LAMA2: variants seen among roughly 807,000 people sequenced by gnomAD.
LAMA2 encodes the protein laminin subunit alpha 2, also known as laminin subunit alpha-2.
A neutral mutation model predicts 364.8 loss-of-function variants in LAMA2; 269 were observed. That is an observed-to-expected ratio of 0.74 (90% CI 0.67 to 0.82). The LOEUF (loss-of-function observed/expected upper bound fraction) is 0.82, where lower values mean the gene tolerates loss of function less well. Ranked by LOEUF, LAMA2 falls within the 40% of genes least tolerant of loss-of-function variation. The pLI is 0.00. For missense variants in LAMA2, 3,807 were observed against 3,873.2 expected, an observed-to-expected ratio of 0.98 and a Z score of 0.45; for synonymous variants, 1,379 against 1,370.6, an observed-to-expected ratio of 1.01 and a Z score of -0.14.
At chr6:128,978,004 A>T (rs575048029) in intron 1 of LAMA2, among the ~76,000 whole-genome samples, 30 of 152,318 alleles carry the variant, frequency 2.0e-4, no homozygotes, top group African/African-American at 7.0e-4. Flanking sequence ...AAATTTTTTT[A>T]AAATGATATC....
intron 16 of LAMA2, among the ~76,000 whole-genome samples, chr6:129,269,203 C>A (rs1787744892): frequency 6.6e-6 from 1 of 151,958 alleles, no homozygotes. Flanking sequence ...ACTCAAAGTC[C>A]ATTTGAAGTA....
Position 129,065,266 on chromosome 6 carries a change from A to G in LAMA2, c.396+5370A>G, listed in dbSNP as rs538883434. On this transcript the variant is annotated intron_variant, in intron 3 of 64. Coordinates refer to ENST00000421865, the MANE Select transcript of LAMA2 (RefSeq NM_000426.4). ...TAGAAGGAATGTACGTCAACATAAT[A>G]AAGACTGTATATGACACATCCTCAG... is the stretch of plus-strand genomic sequence containing the variant. Among the ~76,000 whole-genome samples the G allele has an allele frequency of 7.9e-5, 12 of 152,312 alleles. No individual in the cohort carries two copies. In the South Asian group the frequency reaches 2.5e-3, roughly 32 times the overall value.
rs73773694 is a variant in LAMA2 at position 129,185,034 on chromosome 6, G to C, written c.1468-5171G>C. On this transcript the variant is annotated intron_variant, in intron 10 of 64. Transcript: ENST00000421865. ...TAATACTAGGATGCATTAGTCTAAA[G>C]GTCATAACAGAAGAAAACCTGTAAT... 3.2e-3 allele frequency among the ~76,000 whole-genome samples: 491 copies of C among 151,882 alleles called. 1 individual carries two copies. Among genetic ancestry groups the C allele is most frequent in the African/African-American group, 0.011 (472 of 41,472 alleles).
At chr6:129,166,747 T>A (rs938894221) in intron 9 of LAMA2, among the ~76,000 whole-genome samples, 2 of 152,180 alleles carry the variant, frequency 1.3e-5, no homozygotes, top group African/African-American at 4.8e-5. Flanking sequence ...TCAGTGGTAA[T>A]TCAGGAGAGA....
At chr6:129,350,458 G>A (rs760205548) in intron 31 of LAMA2, among the ~76,000 whole-genome samples, 6 of 152,144 alleles carry the variant, frequency 3.9e-5, no homozygotes, top group Non-Finnish European at 8.8e-5. Flanking sequence ...ATGTTTACCC[G>A]CCCTTCCTGC....
At position 129,312,917 on chromosome 6, in the gene LAMA2, C is replaced by T; in HGVS notation, c.3231C>T (p.Gly1077=). 6.2e-7 allele frequency: 1 copy of T among 1,614,146 alleles called. No individual in the cohort carries two copies. The highest frequency in any genetic ancestry group is 1.1e-5 in the South Asian group (1 of 91,078). ...SLDFQCNVNT[G]QCNCHPKFSG... is the part of the protein sequence containing the mutation. ...ATTTCCAATGCAATGTAAATACAGG[C>T]CAATGCAACTGTCATCCAAAATTCT... Residue 1077 remains glycine (G), a synonymous_variant, in exon 23 of 65, where the codon GGC becomes GGT. Transcript: ENST00000421865.
intron 12 of LAMA2, among the ~76,000 whole-genome samples, chr6:129,215,893 T>C (rs1483573311): frequency 6.6e-6 from 1 of 152,172 alleles, no homozygotes; most frequent in Non-Finnish European, 1.5e-5. Flanking sequence ...CTAGACTAAG[T>C]GAATCTGAGG....
chr6:129,064,706 C>A (rs968347695), intron 3 of LAMA2, among the ~76,000 whole-genome samples: 1 of 152,032 alleles, frequency 6.6e-6, no homozygotes, highest in Non-Finnish European at 1.5e-5. Flanking sequence ...CCTACTAACA[C>A]TGAATCATGA....
At chr6:129,242,122 G>C (rs960980267) in intron 12 of LAMA2, among the ~76,000 whole-genome samples, 6 of 152,212 alleles carry the variant, frequency 3.9e-5, no homozygotes, top group African/African-American at 1.4e-4. Flanking sequence ...TAAGCAATGA[G>C]GATTGCCTAC....
At chr6:129,447,372 T>G (rs1007319031) in intron 45 of LAMA2, among the ~76,000 whole-genome samples, 7 of 151,702 alleles carry the variant, frequency 4.6e-5, no homozygotes, top group African/African-American at 1.7e-4. Flanking sequence ...TGCTGGGGAG[T>G]TGGGGGTGGA....
At chr6:129,444,200 G>A (rs145551804) in intron 44 of LAMA2, among the ~76,000 whole-genome samples, 2 of 152,244 alleles carry the variant, frequency 1.3e-5, no homozygotes, top group African/African-American at 2.4e-5. Context: ...GGGAGAAGAG[G>A]AACTTCCAAG....
chr6:129,213,074 C>A (rs1783200765), intron 12 of LAMA2, among the ~76,000 whole-genome samples: 1 of 152,150 alleles, frequency 6.6e-6, no homozygotes, highest in Admixed American at 6.5e-5. Flanking sequence ...TTCTTCTTCG[C>A]TGTCTCCATG....
chr6:129,507,421 CTG>C, intron 61 of LAMA2, 66 bp from the exon 62 acceptor site: 2 of 1,513,238 alleles, frequency 1.3e-6, no homozygotes, highest in Non-Finnish European at 1.8e-6. Flanking sequence ...CTGCAAATGA[CTG>C]TATTCTACAT....
At chr6:129,511,360 C>A (rs893281841) in intron 62 of LAMA2, among the ~76,000 whole-genome samples, 3 of 152,020 alleles carry the variant, frequency 2.0e-5, no homozygotes, top group African/African-American at 7.2e-5. Context: ...TTTTGCAGAG[C>A]AATTCAGCTT....
At chr6:129,226,524 C>G (rs1343653952) in intron 12 of LAMA2, among the ~76,000 whole-genome samples, 1 of 152,004 alleles carries the variant, frequency 6.6e-6, no homozygotes. Flanking sequence ...TAGGGCAGGC[C>G]TGGTGGTGAC....
chr6:129,135,216 G>A (rs1331408693), intron 4 of LAMA2, among the ~76,000 whole-genome samples: 1 of 152,126 alleles, frequency 6.6e-6, no homozygotes, highest in East Asian at 1.9e-4. Flanking sequence ...AAAATACTGG[G>A]TCTGTCATAG....
chr6:129,292,393 C>T (rs1184612992), intron 20 of LAMA2, among the ~76,000 whole-genome samples: 3 of 152,202 alleles, frequency 2.0e-5, no homozygotes, highest in African/African-American at 7.2e-5. Context: ...TTTTAGCAAA[C>T]ACCTTCTTCT....
chr6:128,908,019 C>T lies in LAMA2; in HGVS notation c.112+24662C>T, dbSNP rs527521111. Among the ~76,000 whole-genome samples, 184 of 151,950 alleles carry T rather than the reference C, an allele frequency of 1.2e-3. 2 individuals carry two copies. Among genetic ancestry groups the T allele is most frequent in the African/African-American group, 4.1e-3 (169 of 41,408 alleles). On this transcript the variant is annotated intron_variant, in intron 1 of 64. Transcript: ENST00000421865. ...CATGGTGGATAAGCTTTTTGATGTG[C>T]TGCTGGATTTGTTTTGCCAGTATTT...
intron 4 of LAMA2, among the ~76,000 whole-genome samples, chr6:129,134,386 A>G (rs955682610): frequency 1.3e-5 from 2 of 152,238 alleles, no homozygotes; most frequent in Non-Finnish European, 2.9e-5. Flanking sequence ...TTACTAAAGT[A>G]CTTAAGTACT....
Sources: gnomAD v4.1 joint callset for allele counts (sites outside exome capture counted in the v4.1 genomes callset) on GRCh38, gnomAD v4.1.1 for gene constraint, MANE v1.5 for transcripts, NCBI Gene and HGNC (gene_info 2026-07-23, HGNC 2026-07-21) for gene names.